PHKB: variants seen among roughly 807,000 people sequenced by gnomAD.
The protein encoded by PHKB is phosphorylase kinase regulatory subunit beta, also known as phosphorylase b kinase regulatory subunit beta.
PHKB carries 122 observed loss-of-function variants against 152.1 expected under a neutral mutation model. The ratio of observed to expected loss-of-function variants is 0.80; its 90% CI spans 0.69 to 0.93. The LOEUF (loss-of-function observed/expected upper bound fraction) is 0.93, where lower values mean the gene tolerates loss of function less well. PHKB is among the 40% of genes least tolerant of loss of function. PHKB has a pLI of 0.00. For missense variants in PHKB, 1,304 were observed against 1,328.4 expected, an observed-to-expected ratio of 0.98 and a Z score of 0.29; for synonymous variants, 436 against 464.9, an observed-to-expected ratio of 0.94 and a Z score of 0.80.
intron 20 of PHKB, among the ~76,000 whole-genome samples, chr16:47,651,486 A>T (rs1046068663): frequency 2.0e-5 from 3 of 152,124 alleles, no homozygotes; most frequent in Admixed American, 6.5e-5. Context: ...TGCCTGGACT[A>T]TCCTTCCTTC....
At chr16:47,502,905 G>A (rs552919173) in intron 3 of PHKB, 86 bp from the exon 4 acceptor site, 27 of 829,152 alleles carry the variant, frequency 3.3e-5, no homozygotes, top group Non-Finnish European at 5.1e-5. Flanking sequence ...GGATTAGCCA[G>A]ATAGTTAAAT....
chr16:47,661,921 T>G (rs777757754), intron 23 of PHKB, 121 bp downstream of exon 23: 4 of 743,256 alleles, frequency 5.4e-6, no homozygotes, highest in Non-Finnish European at 9.8e-6. Flanking sequence ...TTAAACCTTC[T>G]TTTTCACTTT....
intron 19 of PHKB, 23 bp from the exon 20 acceptor site, chr16:47,650,808 T>G (rs1346756201): frequency 3.2e-6 from 5 of 1,548,168 alleles, no homozygotes; most frequent in Non-Finnish European, 4.5e-6. Context: ...AATCTGTACA[T>G]TTTGTTTATT....
At chr16:47,517,927 A>G (rs188226881) in intron 6 of PHKB, among the ~76,000 whole-genome samples, 3 of 152,178 alleles carry the variant, frequency 2.0e-5, no homozygotes, top group Non-Finnish European at 4.4e-5. Flanking sequence ...GATTCTGTAT[A>G]ATGTGTTGGA....
chr16:47,620,095 T>A (rs1972591025), intron 14 of PHKB, among the ~76,000 whole-genome samples: 4 of 152,334 alleles, frequency 2.6e-5, no homozygotes, highest in Admixed American at 2.6e-4. Context: ...AGGAATTGCT[T>A]TTTTCTCCCT....
chr16:47,641,508 A>G (rs1973020692), intron 15 of PHKB, 91 bp from the exon 16 acceptor site: 1 of 749,280 alleles, frequency 1.3e-6, no homozygotes, highest in Non-Finnish European at 2.4e-6. Context: ...CCTCCAAGTT[A>G]ACATGTTCCC....
chr16:47,639,178 G>T (rs1972973276), intron 14 of PHKB, among the ~76,000 whole-genome samples: 1 of 152,286 alleles, frequency 6.6e-6, no homozygotes, highest in South Asian at 2.1e-4. Context: ...GGAGGCTGAG[G>T]TGGGAGGATC....
At chr16:47,505,522 G>A (rs959789273) in intron 4 of PHKB, 1 of 152,212 alleles carries the variant, frequency 6.6e-6, no homozygotes, top group African/African-American at 2.4e-5. Context: ...ATGAGAGAGA[G>A]CACATAGCAC....
At position 47,659,476 on chromosome 16, in the gene PHKB, C is replaced by T. The variant is rs139359595; in HGVS notation, c.1972-1030C>T. On this transcript the variant is annotated intron_variant, in intron 20 of 30. Coordinates refer to ENST00000323584, the MANE Select transcript of PHKB (RefSeq NM_000293.3). ...GAGTACATTTCTCAATTTTCTCTGA[C>T]AATTCATCAGATAATTAGAAGTGAC... 4.8e-3 allele frequency among the ~76,000 whole-genome samples: 736 copies of T among 152,214 alleles called. 2 individuals carry two copies. Among genetic ancestry groups the T allele is most frequent in the Non-Finnish European group, 7.3e-3 (496 of 68,012 alleles).
intron 13 of PHKB, 41 bp from the exon 14 acceptor site, chr16:47,610,785 A>C (rs763731522): frequency 3.7e-6 from 4 of 1,095,620 alleles, no homozygotes; most frequent in Non-Finnish European, 5.6e-6. Context: ...AGTGTTATGC[A>C]AATGCATTTT....
At chr16:47,697,105 G>A (rs1163816419) in intron 29 of PHKB, among the ~76,000 whole-genome samples, 1 of 152,166 alleles carries the variant, frequency 6.6e-6, no homozygotes, top group Non-Finnish European at 1.5e-5. Flanking sequence ...AATACATAGA[G>A]AAGCCACCAA....
At chr16:47,565,047 A>G (rs1971541965) in intron 7 of PHKB, 1 of 423,822 alleles carries the variant, frequency 2.4e-6, no homozygotes, top group Admixed American at 2.8e-5. Flanking sequence ...TCCAGGGTGC[A>G]GAGAAAGTAG....
At chr16:47,579,589 G>A (rs1365516160) in intron 7 of PHKB, among the ~76,000 whole-genome samples, 1 of 152,108 alleles carries the variant, frequency 6.6e-6, no homozygotes, top group Non-Finnish European at 1.5e-5. Flanking sequence ...CTGAGTATTA[G>A]ATATAAAATA....
At chr16:47,509,985 C>G (rs1477809083) in intron 4 of PHKB, among the ~76,000 whole-genome samples, 1 of 152,160 alleles carries the variant, frequency 6.6e-6, no homozygotes, top group Non-Finnish European at 1.5e-5. Flanking sequence ...TATAATAATT[C>G]CTTGGTGTCA....
chr16:47,699,229 G>A lies in PHKB; in HGVS notation c.3145G>A (p.Asp1049Asn). 6.2e-7 allele frequency: 1 copy of A among 1,614,034 alleles called. No homozygotes were observed. Among genetic ancestry groups the A allele is most frequent in the Non-Finnish European group, 8.5e-7 (1 of 1,179,938 alleles). ...CCTTGCCTACTGTTTTCCTTTGTAGGATGACATGACTTCCTTTTACAACAC... is the reference window on the plus strand; with the variant it reads ...CCTTGCCTACTGTTTTCCTTTGTAGAATGACATGACTTCCTTTTACAACAC... ...QSRLKEIEKQ[D>N]DMTSFYNTPP... The change falls in exon 31 of 31, where the codon GAT becomes AAT. Residue 1049 changes from aspartate (D) to asparagine (N), a missense_variant and splice_region_variant. By Grantham distance (23) the Asp-to-Asn change is conservative. Transcript: ENST00000323584.
At chr16:47,677,844 C>G (rs1051388221) in intron 26 of PHKB, among the ~76,000 whole-genome samples, 3 of 150,694 alleles carry the variant, frequency 2.0e-5, no homozygotes, top group Admixed American at 6.6e-5. Flanking sequence ...ATGTATAGAT[C>G]TGCCATGTTG....
intron 26 of PHKB, among the ~76,000 whole-genome samples, chr16:47,680,799 T>C (rs916509848): frequency 1.3e-5 from 2 of 152,212 alleles, no homozygotes; most frequent in Admixed American, 1.3e-4. Context: ...AGTCATTTCT[T>C]GCCTTCTGCT....
At chr16:47,631,200 A>T (rs776642310) in intron 14 of PHKB, among the ~76,000 whole-genome samples, 24 of 152,160 alleles carry the variant, frequency 1.6e-4, no homozygotes, top group Non-Finnish European at 2.8e-4. Context: ...GCAGCACATA[A>T]TCTGTGAAAT....
intron 25 of PHKB, 128 bp from the exon 26 acceptor site, chr16:47,669,087 A>G (rs183844563): frequency 2.3e-4 from 159 of 689,870 alleles, no homozygotes; most frequent in Non-Finnish European, 3.7e-4. Flanking sequence ...AGGAACAGTT[A>G]TTCTACCTAA....
Sources: allele counts gnomAD v4.1 joint callset (sites outside exome capture counted in the v4.1 genomes callset), GRCh38; gene constraint gnomAD v4.1.1; transcripts MANE v1.5; gene names NCBI Gene and HGNC (gene_info 2026-07-23, HGNC 2026-07-21).